Variants in ASIC2 observed in about 807,000 individuals in gnomAD.
ASIC2 encodes acid-sensing ion channel 2.
Under a neutral mutation model 57.3 loss-of-function variants are expected in ASIC2, and 25 were observed. The ratio of observed to expected loss-of-function variants is 0.44; its 90% CI spans 0.32 to 0.61. ASIC2 has a LOEUF of 0.61. Among genes scored for constraint, ASIC2 ranks in the 20% least tolerant of loss-of-function variants. The probability of loss-of-function intolerance (pLI) is 0.06; values close to 1 mark genes in which losing one functional copy is unlikely to be tolerated. For synonymous variants in ASIC2, 319 were observed against 307.5 expected (o/e 1.04, Z -0.39); for missense variants, 641 against 738.1 (o/e 0.87, Z 1.52).
chr17:33,399,201 G>A (rs1223427510), intron 1 of ASIC2, among the ~76,000 whole-genome samples: 1 of 152,118 alleles, frequency 6.6e-6, no homozygotes, highest in African/African-American at 2.4e-5. Context: ...TCCTTCATGA[G>A]GCCCTTCTTT....
intron 1 of ASIC2, among the ~76,000 whole-genome samples, chr17:33,492,114 A>C (rs1047159664): frequency 2.0e-5 from 3 of 152,172 alleles, no homozygotes; most frequent in Non-Finnish European, 4.4e-5. Flanking sequence ...GCCTTGCTAG[A>C]AGTTGCAATA....
chr17:33,608,608 A>G (rs547975378), intron 1 of ASIC2, among the ~76,000 whole-genome samples: 18 of 152,176 alleles, frequency 1.2e-4, no homozygotes, highest in Admixed American at 1.0e-3. Context: ...CCAGGATGAT[A>G]CAGTGCTGGG....
intron 1 of ASIC2, among the ~76,000 whole-genome samples, chr17:33,845,847 G>A (rs1913578995): frequency 6.6e-6 from 1 of 152,156 alleles, no homozygotes; most frequent in South Asian, 2.1e-4. Context: ...AAAAAAGCTT[G>A]TAAGGATGAG....
intron 1 of ASIC2, among the ~76,000 whole-genome samples, chr17:33,555,442 A>T (rs1395100366): frequency 6.6e-6 from 1 of 152,130 alleles, no homozygotes; most frequent in Non-Finnish European, 1.5e-5. Flanking sequence ...CAACATGTGT[A>T]TGAAGATAAC....
At chr17:33,116,638 T>TG (rs1224608455) in intron 1 of ASIC2, among the ~76,000 whole-genome samples, 7 of 151,958 alleles carry the variant, frequency 4.6e-5, no homozygotes, top group Admixed American at 3.9e-4. Flanking sequence ...CCAGGAATGG[T>TG]GGGGGGTGGG....
chr17:33,509,243 TTAGCA>T (rs1914357892), intron 1 of ASIC2, among the ~76,000 whole-genome samples: 1 of 152,106 alleles, frequency 6.6e-6, no homozygotes, highest in South Asian at 2.1e-4. Context: ...ACTTTGGACT[TTAGCA>T]TGTAGGTAAT....
At chr17:33,450,047 C>A (rs772493032) in intron 1 of ASIC2, among the ~76,000 whole-genome samples, 1 of 152,168 alleles carries the variant, frequency 6.6e-6, no homozygotes, top group Non-Finnish European at 1.5e-5. Flanking sequence ...GGATTACAGG[C>A]GTGATCCCAC....
intron 1 of ASIC2, among the ~76,000 whole-genome samples, chr17:34,149,644 G>C (rs1389811832): frequency 6.6e-6 from 1 of 151,964 alleles, no homozygotes; most frequent in Non-Finnish European, 1.5e-5. Context: ...TATGAGGAGG[G>C]GAGAAAAAAG....
intron 1 of ASIC2, among the ~76,000 whole-genome samples, chr17:33,773,682 T>A (rs1385893985): frequency 2.1e-5 from 3 of 144,716 alleles, no homozygotes; most frequent in African/African-American, 5.1e-5. Flanking sequence ...TGAGACAGAG[T>A]CTCACTCTGT....
chr17:33,639,764 A>G (rs2142032663), intron 1 of ASIC2, among the ~76,000 whole-genome samples: 1 of 151,648 alleles, frequency 6.6e-6, no homozygotes, highest in East Asian at 1.9e-4. Context: ...AGGTTAAGAA[A>G]AAAAAAAAAA....
chr17:33,658,347 T>C (rs553568184), intron 1 of ASIC2, among the ~76,000 whole-genome samples: 5 of 152,330 alleles, frequency 3.3e-5, no homozygotes, highest in Non-Finnish European at 7.4e-5. Context: ...GCAGTCCTCC[T>C]TCAGGAGGTG....
chr17:33,041,573 G>A (rs1274446201), intron 3 of ASIC2, among the ~76,000 whole-genome samples: 1 of 152,220 alleles, frequency 6.6e-6, no homozygotes, highest in Non-Finnish European at 1.5e-5. Context: ...ATAAGTACAA[G>A]AGACTGCCTC....
At chr17:33,746,363 T>G (rs573761828) in intron 1 of ASIC2, among the ~76,000 whole-genome samples, 6 of 148,808 alleles carry the variant, frequency 4.0e-5, no homozygotes, top group Non-Finnish European at 3.0e-5. Flanking sequence ...TACCTATATA[T>G]GTAGATATAC....
At chr17:33,469,810 T>C (rs1210921924) in intron 1 of ASIC2, among the ~76,000 whole-genome samples, 3 of 152,176 alleles carry the variant, frequency 2.0e-5, no homozygotes, top group Non-Finnish European at 4.4e-5. Context: ...TTCCCTGATA[T>C]CTACTTAACC....
In ASIC2 at chr17:33,750,766, G is replaced by A. The variant is rs184878142; in HGVS notation, c.555+405212C>T. Among the ~76,000 whole-genome samples, 348 of 152,206 alleles carry A rather than the reference G, an allele frequency of 2.3e-3. 3 individuals carry two copies. The highest frequency in any genetic ancestry group is 8.0e-3 in the African/African-American group (331 of 41,518). On this transcript the variant is annotated intron_variant, in intron 1 of 9. Transcript: ENST00000359872. The stretch of plus-strand genomic sequence containing the variant: ...CAGCAGGGCTGATCTGTGATTTCTG[G>A]AGTCTTCAGAGAAAGCTTCCTGTAT...
intron 1 of ASIC2, among the ~76,000 whole-genome samples, chr17:33,157,293 A>G (rs1905032404): frequency 2.0e-5 from 3 of 152,214 alleles, no homozygotes; most frequent in Non-Finnish European, 4.4e-5. Context: ...GTTTTATTTC[A>G]GGCCAGCCTT....
At chr17:33,971,123 C>G (rs1905217890) in intron 1 of ASIC2, among the ~76,000 whole-genome samples, 1 of 152,200 alleles carries the variant, frequency 6.6e-6, no homozygotes, top group African/African-American at 2.4e-5. Context: ...CAGTGGCACG[C>G]AGTCCTCCAG....
chr17:33,069,086 C>G (rs2092056637), intron 3 of ASIC2, among the ~76,000 whole-genome samples: 1 of 152,150 alleles, frequency 6.6e-6, no homozygotes, highest in African/African-American at 2.4e-5. Flanking sequence ...TTGATTTCTT[C>G]TTTCATCCAT....
intron 1 of ASIC2, among the ~76,000 whole-genome samples, chr17:33,391,108 G>T (rs1188741839): frequency 6.6e-6 from 1 of 152,200 alleles, no homozygotes; most frequent in Non-Finnish European, 1.5e-5. Flanking sequence ...CTGATTTGCT[G>T]CTCAGAATAT....
Sources: allele counts gnomAD v4.1 joint callset (sites outside exome capture counted in the v4.1 genomes callset), GRCh38; gene constraint gnomAD v4.1.1; transcripts MANE v1.5; gene names NCBI Gene and HGNC (gene_info 2026-07-23, HGNC 2026-07-21).